The following HCN2 variants were observed in gnomAD, a reference collection of about 807,000 sequenced individuals.
HCN2 encodes hyperpolarization activated cyclic nucleotide gated potassium and sodium channel 2.
Under a neutral mutation model 52.3 loss-of-function variants are expected in HCN2, and 20 were observed. That is an observed-to-expected ratio of 0.38 (90% CI 0.27 to 0.56). HCN2 has a LOEUF of 0.56. Among genes scored for constraint, HCN2 ranks in the 20% least tolerant of loss-of-function variants. The pLI, the probability that HCN2 is intolerant of heterozygous loss-of-function variation, is 0.71. For missense variants in HCN2, 981 were observed against 1,207.7 expected (o/e 0.81, Z 2.78); for synonymous variants, 694 against 537.0 (o/e 1.29, Z -4.04).
At position 591,072 on chromosome 19, in the gene HCN2, G is replaced by C. The variant is rs1004254128; in HGVS notation, c.632+495G>C. ...GGGGCCGCGGGCCTGGAAAGCGTGC[G>C]GGTCCCCAGGCTGTGTCCCCGGGAG... On this transcript the variant is annotated intron_variant, in intron 1 of 7. Coordinates refer to ENST00000251287, the MANE Select transcript of HCN2 (RefSeq NM_001194.4). The surrounding 1 kb of genome is among the most constrained non-coding windows in gnomAD (Gnocchi z 4.1). 6.6e-6 allele frequency: 1 copy of C among 151,924 alleles called. No homozygotes were observed. The highest frequency in any genetic ancestry group is 2.0e-4 in the East Asian group (1 of 5,114). 9.4% of individuals were successfully genotyped at this position (151,924 alleles called of 1,614,324 possible).
rs541865852 is a variant in HCN2 at position 611,676 on chromosome 19, T to G, written c.1584+1271T>G. Among the ~76,000 whole-genome samples, 66 of 152,276 alleles carry G rather than the reference T, an allele frequency of 4.3e-4. 1 individual carries two copies. The highest frequency in any genetic ancestry group is 2.3e-3 in the South Asian group (11 of 4,822). On this transcript the variant is annotated intron_variant, in intron 5 of 7. Coordinates refer to ENST00000251287, the MANE Select transcript of HCN2 (RefSeq NM_001194.4). ...CACAAAATGCATAAAATGCGGTGGC[T>G]TTTAGTATTAACAGAGTGCTGCACC... is the stretch of plus-strand genomic sequence containing the variant.
intron 4 of HCN2, among the ~76,000 whole-genome samples, chr19:609,068 C>T (rs539172118): frequency 4.6e-5 from 7 of 152,304 alleles, no homozygotes; most frequent in South Asian, 4.1e-4. Context: ...CCCCCTCTCC[C>T]GCGCCCCGAG....
At chr19:605,397 GC>G in intron 3 of HCN2, among the ~76,000 whole-genome samples, 175 bp downstream of exon 3, 1 of 91,690 alleles carries the variant, frequency 1.1e-5, no homozygotes, top group Non-Finnish European at 2.3e-5. Context: ...GGACCCAGGC[GC>G]CCCCTTATGG....
chr19:599,502 G>A (rs988445454), intron 1 of HCN2, among the ~76,000 whole-genome samples: 12 of 152,126 alleles, frequency 7.9e-5, no homozygotes, highest in Admixed American at 2.0e-4. Context: ...AGAATTGGCC[G>A]GGCGCGGTGG....
In HCN2 at chr19:616,202, G is replaced by T. The variant is rs1020717308; in HGVS notation, c.2398G>T (p.Ala800Ser). Residue 800 changes from alanine (A) to serine (S), a missense_variant, in exon 8 of 8, where the codon GCC becomes TCC. This residue lies in a region of HCN2 where 368 missense variants were observed against 314.8 expected (regional missense o/e 1.17). Coordinates refer to ENST00000251287, the MANE Select transcript of HCN2 (RefSeq NM_001194.4). ...GACCTCGCCCTACGGCGGCCTGCCCGCCGCCCCCCTTGCTGGGCCCGCCCT... is the reference window on the plus strand; with the variant it reads ...GACCTCGCCCTACGGCGGCCTGCCCTCCGCCCCCCTTGCTGGGCCCGCCCT... ...PRTSPYGGLP[A>S]APLAGPALPA... 5 of 969,608 alleles carry T rather than the reference G, an allele frequency of 5.2e-6. No individual in the cohort carries two copies. In the African/African-American group the frequency reaches 5.7e-5, roughly 11 times the overall value. The allele number at this position is 969,608 out of a possible 1,614,324, so 60.1% of individuals were successfully genotyped here.
At position 589,893 on chromosome 19, in the gene HCN2, G is replaced by C. The variant is rs1330727744; in HGVS notation, c.-53G>C. ...CCGCCTCCCCCCTCCCTCGGGCTCC[G>C]GCCGGCGGCGGCGGCGGCGGCTCCG... On this transcript the variant is annotated 5_prime_UTR_variant, in exon 1 of 8. Coordinates refer to ENST00000251287, the MANE Select transcript of HCN2 (RefSeq NM_001194.4). 4.4e-6 allele frequency: 3 copies of C among 677,850 alleles called. No individual in the cohort carries two copies. Among genetic ancestry groups the C allele is most frequent in the African/African-American group, 2.3e-5 (1 of 43,878 alleles). 42.0% of individuals were successfully genotyped at this position (677,850 alleles called of 1,614,324 possible).
At chr19:609,901 G>GA (rs113311277) in intron 4 of HCN2, among the ~76,000 whole-genome samples, 4,890 of 149,422 alleles carry the variant, frequency 0.033, 247 homozygotes, top group African/African-American at 0.11. Context: ...CAGTGTCTCA[G>GA]AAAAAAAAAA....
intron 5 of HCN2, among the ~76,000 whole-genome samples, chr19:610,825 C>CAGGCTGA (rs1235135273): frequency 6.6e-6 from 1 of 152,176 alleles, no homozygotes; most frequent in Admixed American, 6.5e-5. Context: ...CAAATACCCA[C>CAGGCTGA]AGGCTGAGTG....
In HCN2 at chr19:589,895, C is replaced by CCGGCGGCGG. The variant is rs1035520656; in HGVS notation, c.-40_-32dup. 7.0e-6 allele frequency: 5 copies of CCGGCGGCGG among 712,532 alleles called. No individual in the cohort carries two copies. The highest frequency in any genetic ancestry group is 6.4e-5 in the South Asian group (1 of 15,512). 44.1% of individuals were successfully genotyped at this position (712,532 alleles called of 1,614,324 possible). ...GCCTCCCCCCTCCCTCGGGCTCCGG[C>CCGGCGGCGG]CGGCGGCGGCGGCGGCGGCTCCGCT... On this transcript the variant is annotated 5_prime_UTR_variant, in exon 1 of 8. Transcript: ENST00000251287.
chr19:594,052 G>A (rs915066488), intron 1 of HCN2, among the ~76,000 whole-genome samples: 11 of 151,552 alleles, frequency 7.3e-5, no homozygotes, highest in African/African-American at 2.4e-4. Flanking sequence ...GGGTGTCTCC[G>A]CAGGAGAGGG....
At chr19:608,733 G>C (rs773997231) in intron 4 of HCN2, among the ~76,000 whole-genome samples, 11 of 152,094 alleles carry the variant, frequency 7.2e-5, no homozygotes, top group Non-Finnish European at 1.3e-4. Context: ...CTCTAGGCCG[G>C]CTCAGGATGG....
At position 617,125 on chromosome 19, in the gene HCN2, C is replaced by A; in HGVS notation, c.*651C>A. 1.3e-6 allele frequency: 1 copy of A among 757,868 alleles called. No individual in the cohort carries two copies. The highest frequency in any genetic ancestry group is 1.6e-5 in the South Asian group (1 of 60,968). The allele number at this position is 757,868 out of a possible 1,614,324, so 46.9% of individuals were successfully genotyped here. A position where few individuals can be genotyped will look rare whatever the true frequency, so the allele number is the denominator to read the frequency against. The stretch of plus-strand genomic sequence containing the variant: ...CCACGCCCCATTAACCCCCACACCC[C>A]CATTCCGCGCAATAAACGACAGCAT... On this transcript the variant is annotated 3_prime_UTR_variant, in exon 8 of 8. Coordinates refer to ENST00000251287, the MANE Select transcript of HCN2 (RefSeq NM_001194.4).
intron 7 of HCN2, among the ~76,000 whole-genome samples, chr19:615,334 C>T (rs965482763): frequency 3.3e-5 from 5 of 151,354 alleles, no homozygotes; most frequent in South Asian, 2.1e-4. Flanking sequence ...ATGGTGAAAC[C>T]CCGTCTCTAC....
intron 2 of HCN2, among the ~76,000 whole-genome samples, chr19:604,580 T>TG (rs1983337355): frequency 2.9e-5 from 2 of 69,590 alleles, no homozygotes; most frequent in African/African-American, 8.2e-5. Context: ...AGGGTTGTGC[T>TG]GAGCGGGGTC....
At chr19:614,765 G>A (rs186659724) in intron 7 of HCN2, among the ~76,000 whole-genome samples, 210 of 152,254 alleles carry the variant, frequency 1.4e-3, no homozygotes, top group Non-Finnish European at 2.5e-3. Context: ...GATTGTATCC[G>A]CCAAGGCGGG....
Position 590,509 on chromosome 19 carries a change from C to A in HCN2, c.564C>A (p.Ala188=). The part of the protein sequence containing the change: ...FSLRMFGSQK[A]VEREQERVKS... ...TGCGGATGTTCGGCAGCCAGAAGGC[C>A]GTGGAGCGCGAGCAGGAGCGCGTCA... is the stretch of plus-strand genomic sequence containing the variant. Residue 188 remains alanine (A), a synonymous_variant, in exon 1 of 8, where the codon GCC becomes GCA. Transcript: ENST00000251287. The surrounding 1 kb of genome is among the most constrained non-coding windows in gnomAD (Gnocchi z 7.2). The A allele has an allele frequency of 6.6e-7, 1 of 1,521,166 alleles. No individual in the cohort carries two copies. Among genetic ancestry groups the A allele is most frequent in the Non-Finnish European group, 8.9e-7 (1 of 1,129,120 alleles). The allele number at this position is 1,521,166 out of a possible 1,614,324, so 94.2% of individuals were successfully genotyped here.
At chr19:609,678 A>C (rs1028863870) in intron 4 of HCN2, among the ~76,000 whole-genome samples, 9 of 152,152 alleles carry the variant, frequency 5.9e-5, no homozygotes, top group Non-Finnish European at 8.8e-5. Context: ...AGGTGGGAGG[A>C]TCCCTTGAGC....
chr19:614,099 A>T, intron 7 of HCN2, 83 bp downstream of exon 7: 11 of 660,850 alleles, frequency 1.7e-5, no homozygotes, highest in Non-Finnish European at 1.8e-5. Context: ...TGGCTTGGAC[A>T]GTGGCAGGGG....
chr19:601,813 C>A (rs57723477), intron 1 of HCN2, among the ~76,000 whole-genome samples: 5,758 of 152,068 alleles, frequency 0.038, 331 homozygotes, highest in African/African-American at 0.13. Context: ...GCACTCCCAG[C>A]ACCGTGTCTG....
Sources: gnomAD v4.1 joint callset for allele counts (sites outside exome capture counted in the v4.1 genomes callset) on GRCh38, gnomAD v4.1.1 for gene constraint, gnomAD v4.1.1 regional missense constraint, Gnocchi (gnomAD v3.1) non-coding constraint, MANE v1.5 for transcripts, NCBI Gene and HGNC (gene_info 2026-07-23, HGNC 2026-07-21) for gene names.